The following ATXN7L1 variants were observed in gnomAD, a reference collection of about 807,000 sequenced individuals.
ATXN7L1 encodes ataxin 7 like 1.
A neutral mutation model predicts 70.8 loss-of-function variants in ATXN7L1; 15 were observed. The ratio of observed to expected loss-of-function variants is 0.21; its 90% confidence interval spans 0.14 to 0.33. The LOEUF is 0.33. ATXN7L1 is among the 10% of genes least tolerant of loss of function. The probability of loss-of-function intolerance (pLI) is 1.00; values close to 1 mark genes in which losing one functional copy is unlikely to be tolerated. For missense variants in ATXN7L1, 975 were observed against 1,097.1 expected, an observed-to-expected ratio of 0.89 and a Z score of 1.57; for synonymous variants, 440 against 445.1, an observed-to-expected ratio of 0.99 and a Z score of 0.14.
Position 105,613,689 on chromosome 7 carries a change from A to G in ATXN7L1, c.2472+173T>C, listed in dbSNP as rs745729006. The G allele has an allele frequency of 1.3e-4, 195 of 1,466,886 alleles. 2 individuals carry two copies. The East Asian group carries it at 4.7e-3, about 36-fold the overall frequency. The allele number at this position is 1,466,886 out of a possible 1,614,324, so 90.9% of individuals were successfully genotyped here. On this transcript the variant is annotated intron_variant, in intron 10 of 11. Coordinates refer to ENST00000419735, the MANE Select transcript of ATXN7L1 (RefSeq NM_020725.2). ...CTAGCACATAGTGAGCGTGGTATCA[A>G]GTACTTGTTCAGTAAAGTGCTCTCA...
In ATXN7L1 at chr7:105,749,939, T is replaced by G. The variant is rs539071265; in HGVS notation, c.355+38665A>C. Among the ~76,000 whole-genome samples the G allele has an allele frequency of 3.3e-5, 5 of 151,934 alleles. 1 individual carries two copies. Among genetic ancestry groups the G allele is most frequent in the Non-Finnish European group, 7.4e-5 (5 of 67,956 alleles). On this transcript the variant is annotated intron_variant, in intron 3 of 11. Transcript: ENST00000419735. The stretch of plus-strand genomic sequence containing the variant: ...GGGCACTTACTGCCTAAAAATGGAC[T>G]AGTCTGTGAAGGTTCTTCCTGCACT...
intron 3 of ATXN7L1, among the ~76,000 whole-genome samples, chr7:105,750,839 T>C (rs1273315794): frequency 6.6e-6 from 1 of 152,090 alleles, no homozygotes; most frequent in Non-Finnish European, 1.5e-5. Context: ...CTTTTATCAA[T>C]CACTCCTTTG....
chr7:105,870,575 T>G (rs967808115), intron 2 of ATXN7L1, among the ~76,000 whole-genome samples: 5 of 152,318 alleles, frequency 3.3e-5, no homozygotes, highest in African/African-American at 1.2e-4. Flanking sequence ...TTCTGTCTTA[T>G]AGTTAGGGAC....
At chr7:105,802,555 T>C (rs1232780126) in intron 2 of ATXN7L1, among the ~76,000 whole-genome samples, 5 of 152,236 alleles carry the variant, frequency 3.3e-5, no homozygotes, top group African/African-American at 1.2e-4. Context: ...CAAATCCTAC[T>C]ATGCTCTGGA....
intron 4 of ATXN7L1, among the ~76,000 whole-genome samples, chr7:105,644,652 C>G (rs915707996): frequency 1.3e-5 from 2 of 152,144 alleles, no homozygotes; most frequent in Admixed American, 6.5e-5. Flanking sequence ...GTGAGCACAC[C>G]AAGATGCTAG....
chr7:105,635,487 C>G (rs1797223436), intron 7 of ATXN7L1, among the ~76,000 whole-genome samples: 1 of 152,210 alleles, frequency 6.6e-6, no homozygotes, highest in African/African-American at 2.4e-5. Context: ...TTCTTATGTG[C>G]TTGGTACTTT....
intron 2 of ATXN7L1, among the ~76,000 whole-genome samples, chr7:105,862,255 G>T (rs1816749969): frequency 6.6e-6 from 1 of 152,048 alleles, no homozygotes; most frequent in African/African-American, 2.4e-5. Context: ...GGCAACATAG[G>T]GAGACCCCGT....
At chr7:105,619,719 T>C (rs990023353) in intron 9 of ATXN7L1, among the ~76,000 whole-genome samples, 1 of 150,990 alleles carries the variant, frequency 6.6e-6, no homozygotes. Flanking sequence ...ACCCAGCTAA[T>C]TTTTAAAAAT....
At position 105,819,538 on chromosome 7, in the gene ATXN7L1, T is replaced by C. The variant is rs575832689; in HGVS notation, c.251-30830A>G. The C allele has an allele frequency of 2.6e-5, 36 of 1,385,586 alleles. No individual in the cohort carries two copies. In the East Asian group the frequency reaches 7.9e-4, roughly 30 times the overall value. 85.8% of individuals were successfully genotyped at this position (1,385,586 alleles called of 1,614,324 possible). A position where few individuals can be genotyped will look rare whatever the true frequency, so the allele number is the denominator to read the frequency against. The stretch of plus-strand genomic sequence containing the variant: ...GTGCTTGATGGTCGAGGCCATCTCC[T>C]GGGCCGCCTGGCGGCCATCGTGGCT... On this transcript the variant is annotated intron_variant, in intron 2 of 11. Coordinates refer to ENST00000419735, the MANE Select transcript of ATXN7L1 (RefSeq NM_020725.2).
At chr7:105,622,270 C>T (rs1345321436) in intron 8 of ATXN7L1, among the ~76,000 whole-genome samples, 1 of 152,230 alleles carries the variant, frequency 6.6e-6, no homozygotes, top group Non-Finnish European at 1.5e-5. Flanking sequence ...TGCAGCCTGG[C>T]AGGTTGTCAT....
intron 3 of ATXN7L1, among the ~76,000 whole-genome samples, chr7:105,696,348 G>T (rs574896933): frequency 6.6e-6 from 1 of 152,318 alleles, no homozygotes; most frequent in Non-Finnish European, 1.5e-5. Context: ...CTGCCTGAAA[G>T]AATATGGGTG....
chr7:105,780,816 T>C (rs1563086879), intron 3 of ATXN7L1, among the ~76,000 whole-genome samples: 1 of 152,244 alleles, frequency 6.6e-6, no homozygotes, highest in Non-Finnish European at 1.5e-5. Context: ...ATAATTCCAA[T>C]GGCTAGCTCT....
chr7:105,716,408 C>T (rs1259925449), intron 3 of ATXN7L1, among the ~76,000 whole-genome samples: 3 of 152,080 alleles, frequency 2.0e-5, no homozygotes, highest in African/African-American at 7.2e-5. Context: ...CAAAGACAGA[C>T]TATTTTATAT....
intron 3 of ATXN7L1, chr7:105,761,049 G>A (rs569695041): frequency 2.8e-5 from 15 of 544,336 alleles, no homozygotes; most frequent in South Asian, 7.9e-5. Context: ...TGACTTCTGC[G>A]TGCAGAATGA....
intron 9 of ATXN7L1, among the ~76,000 whole-genome samples, chr7:105,618,551 A>C (rs1794264825): frequency 6.6e-6 from 1 of 152,160 alleles, no homozygotes; most frequent in Non-Finnish European, 1.5e-5. Context: ...AAGGGGCCTA[A>C]GGTGTCGTAG....
At chr7:105,659,722 T>A (rs1462669410) in intron 4 of ATXN7L1, among the ~76,000 whole-genome samples, 1 of 152,108 alleles carries the variant, frequency 6.6e-6, no homozygotes, top group African/African-American at 2.4e-5. Flanking sequence ...CCTTGGCCTC[T>A]GTTCTTCTTC....
chr7:105,732,427 C>T lies in ATXN7L1; in HGVS notation c.355+56177G>A, dbSNP rs145706010. ...GCCAAAATCTAAATAAACCTAAGTA[C>T]AGATTACTAATGTATATGAATTATG... is the stretch of plus-strand genomic sequence containing the variant. On this transcript the variant is annotated intron_variant, in intron 3 of 11. Coordinates refer to ENST00000419735, the MANE Select transcript of ATXN7L1 (RefSeq NM_020725.2). 2.0e-3 allele frequency among the ~76,000 whole-genome samples: 306 copies of T among 152,176 alleles called. 1 individual carries two copies. Among genetic ancestry groups the T allele is most frequent in the African/African-American group, 7.0e-3 (290 of 41,508 alleles).
chr7:105,773,308 T>C (rs1802268930), intron 3 of ATXN7L1, among the ~76,000 whole-genome samples: 2 of 152,166 alleles, frequency 1.3e-5, no homozygotes, highest in Admixed American at 1.3e-4. Flanking sequence ...ATGTGTGAAT[T>C]AATTATGACC....
chr7:105,868,077 C>G (rs1193248337), intron 2 of ATXN7L1, among the ~76,000 whole-genome samples: 1 of 152,224 alleles, frequency 6.6e-6, no homozygotes, highest in African/African-American at 2.4e-5. Context: ...TTCTCTGGCA[C>G]TTGGGCCTTT....
Sources: allele counts gnomAD v4.1 joint callset (sites outside exome capture counted in the v4.1 genomes callset), GRCh38; gene constraint gnomAD v4.1.1; transcripts MANE v1.5; gene names NCBI Gene and HGNC (gene_info 2026-07-23, HGNC 2026-07-21).